Variants in LRRC43 observed in about 807,000 individuals in gnomAD.
LRRC43 encodes the protein leucine-rich repeat-containing protein 43.
LRRC43 carries 62 observed loss-of-function variants against 64.3 expected under a neutral mutation model. The observed-to-expected ratio is 0.96, with a 90% confidence interval of 0.79 to 1.19. LRRC43 has a LOEUF of 1.19. Among genes scored for constraint, LRRC43 ranks in the 50% most tolerant of loss-of-function variants. LRRC43 has a pLI of 0.00. For synonymous variants in LRRC43, 422 were observed against 382.3 expected (o/e 1.10, Z -1.21); for missense variants, 868 against 845.0 (o/e 1.03, Z -0.34).
At chr12:122,177,600 A>G (rs1953547741) in intron 1 of LRRC43, among the ~76,000 whole-genome samples, 1 of 151,236 alleles carries the variant, frequency 6.6e-6, no homozygotes, top group Non-Finnish European at 1.5e-5. Context: ...GACCTCCCAG[A>G]CTCAAGCAGC....
chr12:122,193,840 G>A (rs1001038535), intron 7 of LRRC43, among the ~76,000 whole-genome samples: 4 of 152,182 alleles, frequency 2.6e-5, no homozygotes, highest in Admixed American at 6.5e-5. Context: ...GATTACAGGC[G>A]TCAGCCATCG....
chr12:122,169,577 G>A (rs112702102), intron 1 of LRRC43, among the ~76,000 whole-genome samples: 9,460 of 151,818 alleles, frequency 0.062, 577 homozygotes, highest in African/African-American at 0.16. Context: ...TTAGCCGGGC[G>A]TGGTGGCGGG....
At chr12:122,172,831 C>T (rs573685946) in intron 1 of LRRC43, 37 of 1,007,674 alleles carry the variant, frequency 3.7e-5, no homozygotes, top group Non-Finnish European at 4.8e-5. Context: ...CTCCGTAACC[C>T]GCCTCGTTGA....
chr12:122,176,565 G>A (rs1369117296), intron 1 of LRRC43, among the ~76,000 whole-genome samples: 3 of 149,904 alleles, frequency 2.0e-5, no homozygotes, highest in Non-Finnish European at 3.0e-5. Context: ...GATCTCAAGC[G>A]ATCCTCCCAC....
At chr12:122,187,166 G>T (rs942597125) in intron 3 of LRRC43, among the ~76,000 whole-genome samples, 1 of 152,022 alleles carries the variant, frequency 6.6e-6, no homozygotes, top group Non-Finnish European at 1.5e-5. Context: ...AGGAGGCGGA[G>T]GTTGCAGTGA....
At chr12:122,187,635 G>T in intron 3 of LRRC43, 66 bp from the exon 4 acceptor site, 1 of 1,505,030 alleles carries the variant, frequency 6.6e-7, no homozygotes, top group Non-Finnish European at 9.1e-7. Context: ...GGACAGAGGG[G>T]AGGGGCCTGA....
intron 1 of LRRC43, among the ~76,000 whole-genome samples, chr12:122,170,373 T>TG (rs1483940407): frequency 6.6e-6 from 1 of 152,058 alleles, no homozygotes. Context: ...GGCTCACACC[T>TG]GTAATCCCAG....
intron 1 of LRRC43, chr12:122,172,745 T>A: frequency 6.3e-7 from 1 of 1,598,934 alleles, no homozygotes; most frequent in Non-Finnish European, 8.5e-7. Context: ...CCTCCACCTG[T>A]GGAATGAGGA....
chr12:122,179,380 G>A (rs1024137487), upstream of LRRC43, among the ~76,000 whole-genome samples: 2 of 152,168 alleles, frequency 1.3e-5, no homozygotes, highest in Admixed American at 6.5e-5. Flanking sequence ...TGCTGCGACT[G>A]TAGGTGCAAG....
At chr12:122,186,345 C>T (rs1953644532) in intron 3 of LRRC43, 45 bp downstream of exon 3, 2 of 1,286,296 alleles carry the variant, frequency 1.6e-6, no homozygotes, top group African/African-American at 2.9e-5. Flanking sequence ...CCTCCGCTGC[C>T]CAGAGGCCTT....
intron 7 of LRRC43, among the ~76,000 whole-genome samples, chr12:122,196,628 G>C (rs1195824088): frequency 6.6e-6 from 1 of 152,084 alleles, no homozygotes; most frequent in Non-Finnish European, 1.5e-5. Context: ...AATTATCTGG[G>C]CATGGTGGCA....
At chr12:122,191,038 C>T (rs1381320653) in intron 5 of LRRC43, among the ~76,000 whole-genome samples, 1 of 152,146 alleles carries the variant, frequency 6.6e-6, no homozygotes. Flanking sequence ...TCTTCACCTC[C>T]CTGGTGGCTT....
intron 7 of LRRC43, among the ~76,000 whole-genome samples, chr12:122,199,369 A>G (rs960333616): frequency 1.5e-5 from 2 of 132,980 alleles, no homozygotes; most frequent in Non-Finnish European, 3.1e-5. Context: ...TGCAACCTCC[A>G]CCTCCCAGGT....
intron 4 of LRRC43, among the ~76,000 whole-genome samples, chr12:122,189,885 G>C (rs1362553106): frequency 6.6e-6 from 1 of 152,278 alleles, no homozygotes; most frequent in African/African-American, 2.4e-5. Flanking sequence ...GCCCCGTGAA[G>C]GGAGGTCGGT....
intron 3 of LRRC43, 88 bp from the exon 4 acceptor site, chr12:122,187,613 C>A: frequency 7.8e-7 from 1 of 1,276,844 alleles, no homozygotes. Flanking sequence ...GATTCCTCTA[C>A]TAAGTTTTGC....
At chr12:122,186,925 C>A (rs12424694) in intron 3 of LRRC43, among the ~76,000 whole-genome samples, 60 of 148,620 alleles carry the variant, frequency 4.0e-4, no homozygotes, top group African/African-American at 1.5e-3. Flanking sequence ...TCAAAGTGGT[C>A]TATCCATTCA....
chr12:122,200,642 A>G lies in LRRC43; in HGVS notation c.1602A>G (p.Gly534=). Residue 534 remains glycine (G), a synonymous_variant, in exon 9 of 12, where the codon GGA becomes GGG. Transcript: ENST00000339777. This position sits in a 1 kb window ranked among gnomAD's most constrained non-coding sequence, Gnocchi z 4.6. ...KGKEKDRTGK[G]EKEPAKEWKV... ...AGGAGAAAGACAGGACGGGGAAAGGAGAGAAAGAGCCGGCCAAGGTACCGG... is the reference window on the plus strand; with the variant it reads ...AGGAGAAAGACAGGACGGGGAAAGGGGAGAAAGAGCCGGCCAAGGTACCGG... The G allele has an allele frequency of 6.4e-7, 1 of 1,561,658 alleles. No homozygotes were observed. The highest frequency in any genetic ancestry group is 1.3e-5 in the African/African-American group (1 of 74,640).
At chr12:122,182,816 G>A (rs1317804610), upstream of LRRC43, among the ~76,000 whole-genome samples, 1 of 152,210 alleles carries the variant, frequency 6.6e-6, no homozygotes, top group African/African-American at 2.4e-5. Context: ...CCCACTGGCT[G>A]GTTGGAGTCG....
intron 7 of LRRC43, among the ~76,000 whole-genome samples, chr12:122,195,112 A>T (rs1399191974): frequency 6.6e-6 from 1 of 152,166 alleles, no homozygotes; most frequent in African/African-American, 2.4e-5. Context: ...GTGTAAGGCA[A>T]ATCTACTGGC....
Sources: gnomAD v4.1 joint callset for allele counts (sites outside exome capture counted in the v4.1 genomes callset) on GRCh38, gnomAD v4.1.1 for gene constraint, Gnocchi (gnomAD v3.1) non-coding constraint, MANE v1.5 for transcripts, NCBI Gene and HGNC (gene_info 2026-07-23, HGNC 2026-07-21) for gene names.